THTPA: variants seen among roughly 807,000 people sequenced by gnomAD.
The protein encoded by THTPA is thiamine-triphosphatase.
THTPA carries 16 observed loss-of-function variants against 16.5 expected under a neutral mutation model. The ratio of observed to expected loss-of-function variants is 0.97; its 90% CI spans 0.66 to 1.47. THTPA has a LOEUF of 1.47. Among genes scored for constraint, THTPA ranks in the 40% most tolerant of loss-of-function variants. The pLI is 0.00. For missense variants in THTPA, 281 were observed against 280.9 expected (o/e 1.00, Z 0.00); for synonymous variants, 110 against 115.5 (o/e 0.95, Z 0.30).
the THTPA span, chr14:23,529,734 G>C: frequency 6.5e-7 from 1 of 1,536,238 alleles, no homozygotes; most frequent in Non-Finnish European, 8.7e-7. Flanking sequence ...CACTGTCTCT[G>C]GAAGGGCCAG....
At chr14:23,538,747 A>G in the THTPA span, among the ~76,000 whole-genome samples, 1 of 152,062 alleles carries the variant, frequency 6.6e-6, no homozygotes, top group Non-Finnish European at 1.5e-5. Context: ...AAGAGGGTGG[A>G]TCTGGTGTAG....
At chr14:23,545,836 G>A in the THTPA span, among the ~76,000 whole-genome samples, 1 of 152,176 alleles carries the variant, frequency 6.6e-6, no homozygotes, top group Admixed American at 6.5e-5. Flanking sequence ...TGAGATTAGG[G>A]AAAGAAAAGG....
chr14:23,544,578 C>T, the THTPA span, among the ~76,000 whole-genome samples: 1 of 152,192 alleles, frequency 6.6e-6, no homozygotes, highest in African/African-American at 2.4e-5. Context: ...CCCTGTGCTT[C>T]CCTTTCAGTA....
At position 23,556,857 on chromosome 14, in the gene THTPA, A is replaced by G; in HGVS notation, c.100A>G (p.Thr34Ala). 6.2e-7 allele frequency: 1 copy of G among 1,613,096 alleles called. No homozygotes were observed. The change falls in exon 1 of 2, where the codon ACC (threonine) becomes GCC (alanine). Residue 34 changes from threonine to alanine, a missense_variant. Transcript: ENST00000288014. ...ELGGTLEYRVTFRDTYYDTPE... is the reference protein window; with the variant it reads ...ELGGTLEYRVAFRDTYYDTPE... ...GGGGGGCACCCTGGAGTACCGGGTC[A>G]CCTTCCGAGACACCTACTATGACAC... is the stretch of plus-strand genomic sequence containing the variant.
chr14:23,530,379 A>G, the THTPA span: 1 of 699,352 alleles, frequency 1.4e-6, no homozygotes, highest in Non-Finnish European at 2.6e-6. Flanking sequence ...AGGGAAAATT[A>G]CAGTATTAGA....
chr14:23,537,098 C>T, the THTPA span, among the ~76,000 whole-genome samples: 1 of 149,296 alleles, frequency 6.7e-6, no homozygotes, highest in African/African-American at 2.4e-5. Flanking sequence ...CGGGACTGCA[C>T]CATCGGGACT....
At chr14:23,521,852 G>A in the THTPA span, 3 of 1,481,132 alleles carry the variant, frequency 2.0e-6, no homozygotes, top group Admixed American at 4.5e-5. Context: ...TTCCTGTGAG[G>A]TGGGCGGGGC....
the THTPA span, chr14:23,544,193 T>C: frequency 6.7e-6 from 1 of 150,306 alleles, no homozygotes; most frequent in African/African-American, 2.5e-5. Flanking sequence ...AAGCAGAGGT[T>C]GTAGTGAGCC....
At chr14:23,530,887 T>G in the THTPA span, 4 of 220,216 alleles carry the variant, frequency 1.8e-5, no homozygotes, top group African/African-American at 4.8e-5. Context: ...TGCCCACCTC[T>G]GGCAGCCCCT....
the THTPA span, among the ~76,000 whole-genome samples, chr14:23,542,428 G>A: frequency 6.6e-6 from 1 of 152,102 alleles, no homozygotes; most frequent in Admixed American, 6.6e-5. Context: ...TACTGATGGG[G>A]GTGGGTGTCC....
the THTPA span, chr14:23,532,549 T>G: frequency 2.8e-6 from 4 of 1,432,576 alleles, no homozygotes; most frequent in Non-Finnish European, 3.6e-6. Flanking sequence ...CCGATGGCCC[T>G]TCCTGACCCA....
the THTPA span, among the ~76,000 whole-genome samples, chr14:23,550,131 C>T: frequency 6.6e-6 from 1 of 152,246 alleles, no homozygotes; most frequent in South Asian, 2.1e-4. Context: ...ACGCATGAGA[C>T]CAGAAGGTGA....
chr14:23,524,913 C>T, the THTPA span: 37 of 1,536,278 alleles, frequency 2.4e-5, no homozygotes, highest in Middle Eastern at 3.3e-4. The surrounding 1 kb of genome is among the most constrained non-coding windows in gnomAD (Gnocchi z 5.6). Flanking sequence ...GAGAAAGTGG[C>T]GTGGCAACGC....
chr14:23,529,799 C>T, the THTPA span: 1 of 1,529,236 alleles, frequency 6.5e-7, no homozygotes, highest in Non-Finnish European at 8.8e-7. Context: ...GATTAAGGAA[C>T]CCTGACAGCC....
the THTPA span, chr14:23,521,888 C>A: frequency 1.3e-6 from 2 of 1,516,366 alleles, no homozygotes; most frequent in Admixed American, 2.0e-5. Context: ...GGGATTTGAG[C>A]TCCCACCGAA....
At chr14:23,534,989 G>C in the THTPA span, 1 of 1,536,160 alleles carries the variant, frequency 6.5e-7, no homozygotes, top group Non-Finnish European at 8.7e-7. The surrounding 1 kb of genome is among the most constrained non-coding windows in gnomAD (Gnocchi z 4.5). Context: ...AAGAATAAGT[G>C]GTTGCTTAGG....
At chr14:23,515,968 C>T in the THTPA span, among the ~76,000 whole-genome samples, 18 of 152,016 alleles carry the variant, frequency 1.2e-4, no homozygotes, top group South Asian at 3.3e-3. Flanking sequence ...GGGTGGGAGT[C>T]GGGGTGATGT....
the THTPA span, among the ~76,000 whole-genome samples, chr14:23,542,713 T>C: frequency 1.3e-5 from 2 of 152,096 alleles, no homozygotes; most frequent in East Asian, 3.9e-4. Flanking sequence ...CGCTGAAGAA[T>C]TTGGTCTCCC....
chr14:23,527,589 C>G, the THTPA span: 1 of 1,536,594 alleles, frequency 6.5e-7, no homozygotes, highest in East Asian at 2.4e-5. Context: ...CCGTCCTCAC[C>G]CAGCCTGTAC....
Sources: gnomAD v4.1 joint callset for allele counts (sites outside exome capture counted in the v4.1 genomes callset) on GRCh38, gnomAD v4.1.1 for gene constraint, Gnocchi (gnomAD v3.1) non-coding constraint, MANE v1.5 for transcripts, NCBI Gene and HGNC (gene_info 2026-07-23, HGNC 2026-07-21) for gene names.